Variants in NSMCE2 observed in about 807,000 individuals in gnomAD.
NSMCE2 encodes NSE2 SUMO ligase component of SMC5/6 complex.
Under a neutral mutation model 23.8 loss-of-function variants are expected in NSMCE2, and 24 were observed. That is an observed-to-expected ratio of 1.01 (90% CI 0.73 to 1.42). The LOEUF (loss-of-function observed/expected upper bound fraction) is 1.42, where lower values mean the gene tolerates loss of function less well. NSMCE2 is among the 40% of genes most tolerant of loss of function. The pLI is 0.00. For missense variants in NSMCE2, 284 were observed against 296.5 expected (o/e 0.96, Z 0.31); for synonymous variants, 92 against 94.1 (o/e 0.98, Z 0.13).
intron 5 of NSMCE2, among the ~76,000 whole-genome samples, chr8:125,290,489 T>C (rs2131160536): frequency 6.6e-6 from 1 of 152,274 alleles, no homozygotes; most frequent in East Asian, 1.9e-4. Flanking sequence ...TCTCTCAGCC[T>C]GGCTTGCTCA....
chr8:125,320,200 A>G (rs7827809), intron 5 of NSMCE2, among the ~76,000 whole-genome samples: 3 of 134,650 alleles, frequency 2.2e-5, no homozygotes, highest in African/African-American at 5.6e-5. Context: ...GAGAGAGAGA[A>G]AGAAAGAGAA....
At chr8:125,096,513 T>A (rs1231348504) in intron 1 of NSMCE2, among the ~76,000 whole-genome samples, 3 of 152,122 alleles carry the variant, frequency 2.0e-5, no homozygotes. Context: ...GAAAGCTTTA[T>A]TTTTTTCTTG....
At chr8:125,348,139 A>G (rs1421633592) in intron 5 of NSMCE2, 2 of 152,314 alleles carry the variant, frequency 1.3e-5, no homozygotes, top group African/African-American at 4.8e-5. Context: ...TTTTTCACCA[A>G]TACCATGCAT....
intron 3 of NSMCE2, among the ~76,000 whole-genome samples, chr8:125,144,050 G>A (rs769862949): frequency 1.3e-5 from 2 of 152,138 alleles, no homozygotes; most frequent in African/African-American, 2.4e-5. Flanking sequence ...GGGAAAAGAG[G>A]GGGGGAAAGT....
chr8:125,329,796 T>C (rs1829804807), intron 5 of NSMCE2, among the ~76,000 whole-genome samples: 1 of 152,184 alleles, frequency 6.6e-6, no homozygotes, highest in South Asian at 2.1e-4. Context: ...ACCTGCCTCA[T>C]AGAGTTGTTG....
Position 125,366,753 on chromosome 8 carries a change from CT to C in NSMCE2, c.627-12del. 4.7e-6 allele frequency: 7 copies of C among 1,478,840 alleles called. No homozygotes were observed. The highest frequency in any genetic ancestry group is 5.7e-6 in the Non-Finnish European group (6 of 1,057,192). 91.6% of individuals were successfully genotyped at this position (1,478,840 alleles called of 1,614,324 possible). The stretch of plus-strand genomic sequence containing the variant: ...CAGTAAAGGGGACTGACTTGATGTT[CT>C]TTCTTTCTCACAGTTGCCCTCAAAT... On this transcript the variant is annotated splice_polypyrimidine_tract_variant and intron_variant, in intron 7 of 7. Transcript: ENST00000287437.
At chr8:125,199,252 GTTC>G (rs1823761011) in intron 5 of NSMCE2, among the ~76,000 whole-genome samples, 1 of 152,070 alleles carries the variant, frequency 6.6e-6, no homozygotes, top group African/African-American at 2.4e-5. Context: ...TGCTTCTCTA[GTTC>G]TTCTAATTGT....
intron 5 of NSMCE2, among the ~76,000 whole-genome samples, chr8:125,331,310 A>T (rs931355991): frequency 3.1e-4 from 47 of 152,232 alleles, no homozygotes; most frequent in African/African-American, 7.0e-4. Context: ...AAAAAATAAA[A>T]AATAATAATA....
chr8:125,295,461 C>T (rs997889071), intron 5 of NSMCE2, among the ~76,000 whole-genome samples: 5 of 152,102 alleles, frequency 3.3e-5, no homozygotes, highest in Admixed American at 6.5e-5. Context: ...CAGAAATCTC[C>T]CCAGAAAAGA....
intron 5 of NSMCE2, among the ~76,000 whole-genome samples, chr8:125,277,300 ATCTCCTCCTC>A (rs1827488438): frequency 6.6e-6 from 1 of 152,046 alleles, no homozygotes; most frequent in Non-Finnish European, 1.5e-5. Context: ...TGAGAAAGGT[ATCTCCTCCTC>A]AAGTCACCTC....
chr8:125,159,966 A>T (rs1212413598), intron 4 of NSMCE2, among the ~76,000 whole-genome samples: 3 of 152,080 alleles, frequency 2.0e-5, no homozygotes, highest in African/African-American at 7.3e-5. Context: ...TCTCAAAAAA[A>T]AAAAAAAATT....
At chr8:125,112,000 C>T (rs1216137967) in intron 3 of NSMCE2, among the ~76,000 whole-genome samples, 2 of 152,010 alleles carry the variant, frequency 1.3e-5, no homozygotes, top group Non-Finnish European at 2.9e-5. Context: ...GACCTTGTTC[C>T]TGTCTTTTAT....
At chr8:125,258,741 G>A (rs1826550940) in intron 5 of NSMCE2, among the ~76,000 whole-genome samples, 1 of 152,170 alleles carries the variant, frequency 6.6e-6, no homozygotes, top group African/African-American at 2.4e-5. Context: ...GAGGTGGGGG[G>A]GTTATGGGAG....
chr8:125,212,699 AATTT>A (rs373505825), intron 5 of NSMCE2, among the ~76,000 whole-genome samples: 3 of 152,204 alleles, frequency 2.0e-5, no homozygotes, highest in Non-Finnish European at 2.9e-5. Context: ...TAATCTAAAT[AATTT>A]ATTAAGATAA....
chr8:125,287,412 C>T (rs1827943281), intron 5 of NSMCE2, among the ~76,000 whole-genome samples: 1 of 152,174 alleles, frequency 6.6e-6, no homozygotes, highest in African/African-American at 2.4e-5. Flanking sequence ...GCCATTGTTT[C>T]ATGCCTGCTG....
At chr8:125,313,840 G>A (rs915363438) in intron 5 of NSMCE2, among the ~76,000 whole-genome samples, 1 of 152,120 alleles carries the variant, frequency 6.6e-6, no homozygotes, top group Non-Finnish European at 1.5e-5. Context: ...AAAAATCAAA[G>A]GGACCCAAAA....
chr8:125,132,484 TA>T (rs1159954161), intron 3 of NSMCE2, among the ~76,000 whole-genome samples: 3 of 146,718 alleles, frequency 2.0e-5, no homozygotes, highest in African/African-American at 5.2e-5. Flanking sequence ...ATTTTTAAAT[TA>T]AAAAAAAATT....
At chr8:125,188,215 A>G (rs1172420075) in intron 5 of NSMCE2, among the ~76,000 whole-genome samples, 1 of 152,184 alleles carries the variant, frequency 6.6e-6, no homozygotes, top group Non-Finnish European at 1.5e-5. Flanking sequence ...CCTTCGCTTT[A>G]CTATTTTTAG....
intron 4 of NSMCE2, among the ~76,000 whole-genome samples, chr8:125,158,143 A>T (rs573580938): frequency 6.6e-6 from 1 of 152,286 alleles, no homozygotes; most frequent in Admixed American, 6.5e-5. Context: ...AGGCTGTGAG[A>T]TAGGTCCAGC....
Sources: gnomAD v4.1 joint callset for allele counts (sites outside exome capture counted in the v4.1 genomes callset) on GRCh38, gnomAD v4.1.1 for gene constraint, MANE v1.5 for transcripts, NCBI Gene and HGNC (gene_info 2026-07-23, HGNC 2026-07-21) for gene names.